IFI27: variants seen among roughly 807,000 people sequenced by gnomAD.
The protein encoded by IFI27 is interferon alpha-inducible protein 27, mitochondrial.
A neutral mutation model predicts 8.9 loss-of-function variants in IFI27; 3 were observed. The observed-to-expected ratio is 0.34, with a 90% CI of 0.15 to 0.87. The LOEUF is 0.87. Ranked by LOEUF, IFI27 falls within the 40% of genes least tolerant of loss-of-function variation. IFI27 has a pLI of 0.51. For synonymous variants in IFI27, 66 were observed against 67.3 expected, an observed-to-expected ratio of 0.98 and a Z score of 0.09; for missense variants, 152 against 157.7, an observed-to-expected ratio of 0.96 and a Z score of 0.19.
In IFI27 at chr14:94,116,541, G is replaced by C. The variant is rs201443489; in HGVS notation, c.*14G>C. ...AGGTTCTACTAGCTCCCTGCCCCTC[G>C]CCCTGCAGAGAAGAGAACCATGCCA... On this transcript the variant is annotated 3_prime_UTR_variant, in exon 5 of 5. Transcript: ENST00000621160. This position sits in a 1 kb window ranked among gnomAD's most constrained non-coding sequence, Gnocchi z 4.3. The C allele has an allele frequency of 1.2e-6, 2 of 1,600,250 alleles. No homozygotes were observed. The highest frequency in any genetic ancestry group is 1.7e-6 in the Non-Finnish European group (2 of 1,170,982).
chr14:94,115,283 A>C, intron 3 of IFI27: 1 of 537,456 alleles, frequency 1.9e-6, no homozygotes, highest in Non-Finnish European at 3.6e-6. Flanking sequence ...AGTAGACATG[A>C]AAGAGATGCC....
chr14:94,116,533 T>A lies in IFI27; in HGVS notation c.*6T>A. 1 of 1,607,262 alleles carries A rather than the reference T, an allele frequency of 6.2e-7. No individual in the cohort carries two copies. The highest frequency in any genetic ancestry group is 8.5e-7 in the Non-Finnish European group (1 of 1,175,790). On this transcript the variant is annotated 3_prime_UTR_variant, in exon 5 of 5. Transcript: ENST00000621160. This position sits in a 1 kb window ranked among gnomAD's most constrained non-coding sequence, Gnocchi z 4.3. ...TCATTGCGAGGTTCTACTAGCTCCC[T>A]GCCCCTCGCCCTGCAGAGAAGAGAA...
chr14:94,115,764 G>T lies in IFI27; in HGVS notation c.122-17G>T. 1.9e-6 allele frequency: 3 copies of T among 1,600,886 alleles called. No homozygotes were observed. The highest frequency in any genetic ancestry group is 2.6e-6 in the Non-Finnish European group (3 of 1,175,334). On this transcript the variant is annotated splice_polypyrimidine_tract_variant and intron_variant, in intron 3 of 4. Transcript: ENST00000621160. Reference sequence around the variant, plus strand: ...CCTTCTGAGCCCACGCACCGACCCAGCTCCTCTTCCCTGCAGTTGTGGCCA... The same window carrying T: ...CCTTCTGAGCCCACGCACCGACCCATCTCCTCTTCCCTGCAGTTGTGGCCA...
intron 2 of IFI27, chr14:94,113,289 G>A (rs1318618429): frequency 6.6e-6 from 1 of 152,260 alleles, no homozygotes; most frequent in African/African-American, 2.4e-5. Context: ...ATCACTCGAG[G>A]TCAGGAGTTT....
upstream of IFI27, among the ~76,000 whole-genome samples, chr14:94,108,931 G>A (rs1159928112): frequency 6.6e-6 from 1 of 152,194 alleles, no homozygotes; most frequent in Non-Finnish European, 1.5e-5. Context: ...TGTTATGCAA[G>A]TTGTTCTGAA....
At chr14:94,110,364 A>G (rs1241962077), upstream of IFI27, among the ~76,000 whole-genome samples, 1 of 152,200 alleles carries the variant, frequency 6.6e-6, no homozygotes, top group African/African-American at 2.4e-5. Flanking sequence ...TTTTTTTGAA[A>G]AACGGAACAT....
rs554609222 is a variant in IFI27 at position 94,111,062 on chromosome 14, T to C, written c.-59+265T>C. 3.2e-4 allele frequency: 50 copies of C among 154,444 alleles called. No homozygotes were observed. The highest frequency in any genetic ancestry group is 1.1e-3 in the African/African-American group (47 of 41,586). 9.6% of individuals were successfully genotyped at this position (154,444 alleles called of 1,614,324 possible). ...GGGTAAAGTGGGCAAGGGGAAGAGATAAGTGTTAGGAGGAACCAAGTCGAA... is the reference window on the plus strand; with the variant it reads ...GGGTAAAGTGGGCAAGGGGAAGAGACAAGTGTTAGGAGGAACCAAGTCGAA... On this transcript the variant is annotated intron_variant, in intron 1 of 4. Transcript: ENST00000621160. The surrounding 1 kb of genome is among the most constrained non-coding windows in gnomAD (Gnocchi z 4.3).
At chr14:94,106,339 G>A (rs994619023), upstream of IFI27, among the ~76,000 whole-genome samples, 1 of 152,202 alleles carries the variant, frequency 6.6e-6, no homozygotes, top group African/African-American at 2.4e-5. Context: ...TATACCCAGA[G>A]GTGGGGTTTC....
At chr14:94,115,284 AAG>A (rs1282492132) in intron 3 of IFI27, 1 of 534,500 alleles carries the variant, frequency 1.9e-6, no homozygotes, top group Admixed American at 2.2e-5. Context: ...GTAGACATGA[AAG>A]AGATGCCAGG....
chr14:94,108,927 G>A (rs887448873), upstream of IFI27, among the ~76,000 whole-genome samples: 2 of 152,200 alleles, frequency 1.3e-5, no homozygotes, highest in African/African-American at 4.8e-5. Flanking sequence ...AGGCTGTTAT[G>A]CAAGTTGTTC....
chr14:94,116,453 C>T lies in IFI27; in HGVS notation c.295C>T (p.Leu99Phe). The stretch of plus-strand genomic sequence containing the variant: ...CTGCTTCTTCCCAGGAGCAACTGGA[C>T]TCTCCGGATTGACCAAGTTCATCCT... The change falls in exon 5 of 5, where the codon CTC becomes TTC. Residue 99 changes from leucine (L) to phenylalanine (F), a missense_variant. Coordinates refer to ENST00000621160, the Ensembl canonical transcript of IFI27. This position sits in a 1 kb window ranked among gnomAD's most constrained non-coding sequence, Gnocchi z 4.3. 1 of 1,612,438 alleles carries T rather than the reference C, an allele frequency of 6.2e-7. No individual in the cohort carries two copies. The highest frequency in any genetic ancestry group is 8.5e-7 in the Non-Finnish European group (1 of 1,179,236).
At position 94,116,194 on chromosome 14, in the gene IFI27, G is replaced by T; in HGVS notation, c.284-248G>T. 1.4e-6 allele frequency: 1 copy of T among 692,282 alleles called. No homozygotes were observed. Among genetic ancestry groups the T allele is most frequent in the South Asian group, 1.5e-5 (1 of 65,130 alleles). 42.9% of individuals were successfully genotyped at this position (692,282 alleles called of 1,614,324 possible). ...CCTGGGGCGTCTCCTCCCCTCTGGG[G>T]TGCAGCCTCCTTCCCTGAAGAGCGA... On this transcript the variant is annotated intron_variant, in intron 4 of 4. Coordinates refer to ENST00000621160, the Ensembl canonical transcript of IFI27. The surrounding 1 kb of genome is among the most constrained non-coding windows in gnomAD (Gnocchi z 4.3).
rs1247474318 is a variant in IFI27 at position 94,116,570 on chromosome 14, G to A, written c.*43G>A. On this transcript the variant is annotated 3_prime_UTR_variant, in exon 5 of 5. Transcript: ENST00000621160. The surrounding 1 kb of genome is among the most constrained non-coding windows in gnomAD (Gnocchi z 4.3). ...TGCAGAGAAGAGAACCATGCCAGGG[G>A]AGAAGGCACCCAGCCATCCTGACCC... is the stretch of plus-strand genomic sequence containing the variant. 1 of 1,498,406 alleles carries A rather than the reference G, an allele frequency of 6.7e-7. No homozygotes were observed. The highest frequency in any genetic ancestry group is 1.2e-5 in the South Asian group (1 of 85,880). The allele number at this position is 1,498,406 out of a possible 1,614,324, so 92.8% of individuals were successfully genotyped here.
chr14:94,115,352 G>A, intron 3 of IFI27: 2 of 520,978 alleles, frequency 3.8e-6, no homozygotes, highest in Middle Eastern at 5.9e-4. Flanking sequence ...ACACCACGGA[G>A]CCCTAGAGCT....
upstream of IFI27, among the ~76,000 whole-genome samples, chr14:94,108,626 CG>C (rs1249735322): frequency 2.0e-5 from 3 of 152,096 alleles, no homozygotes; most frequent in Non-Finnish European, 2.9e-5. Context: ...ACTGCCTCCC[CG>C]GGGGCCCTTC....
At chr14:94,115,232 T>C in intron 3 of IFI27, 2 of 597,358 alleles carry the variant, frequency 3.3e-6, no homozygotes, top group Non-Finnish European at 3.1e-6. Flanking sequence ...TTCAGGGTTA[T>C]GGTCAGGATT....
Sources: allele counts gnomAD v4.1 joint callset (sites outside exome capture counted in the v4.1 genomes callset), GRCh38; gene constraint gnomAD v4.1.1; non-coding constraint Gnocchi (gnomAD v3.1); transcripts MANE v1.5; gene names NCBI Gene and HGNC (gene_info 2026-07-23, HGNC 2026-07-21).